Variants in SAMD15 observed in about 807,000 individuals in gnomAD.
SAMD15 encodes sterile alpha motif domain containing 15, also known as sterile alpha motif domain-containing protein 15.
A neutral mutation model predicts 50.5 loss-of-function variants in SAMD15; 37 were observed. The observed-to-expected ratio is 0.73, with a 90% CI of 0.56 to 0.96. The LOEUF is 0.96. SAMD15 is among the 40% of genes least tolerant of loss of function. The pLI, the probability that SAMD15 is intolerant of heterozygous loss-of-function variation, is 0.00. For synonymous variants in SAMD15, 255 were observed against 282.8 expected, an observed-to-expected ratio of 0.90 and a Z score of 0.99; for missense variants, 789 against 783.8, an observed-to-expected ratio of 1.01 and a Z score of -0.08.
At chr14:77,379,633 C>T (rs994675462) in intron 1 of SAMD15, among the ~76,000 whole-genome samples, 44 of 152,100 alleles carry the variant, frequency 2.9e-4, no homozygotes, top group Non-Finnish European at 5.6e-4. Context: ...CCTCGTGATC[C>T]GCCAGCCTCA....
In SAMD15 at chr14:77,378,542, C is replaced by T. The variant is rs1279501957; in HGVS notation, c.1124C>T (p.Pro375Leu). The T allele has an allele frequency of 1.2e-6, 2 of 1,613,410 alleles. No homozygotes were observed. The highest frequency in any genetic ancestry group is 2.7e-5 in the African/African-American group (2 of 74,814). The stretch of plus-strand genomic sequence containing the variant: ...TCAAATGAGAAAAAAAATCCACAGC[C>T]ACCAGAGGAGACTGGTCCAGTGCTA... Reference protein sequence around the residue: ...RKSNEKKNPQPPEETGPVLPQ... With the variant: ...RKSNEKKNPQLPEETGPVLPQ... The change falls in exon 1 of 3, where the codon CCA becomes CTA. Residue 375 changes from proline (P) to leucine (L), a missense_variant. By Grantham distance (98) the Pro-to-Leu change is moderately conservative (BLOSUM62 -3). Transcript: ENST00000216471.
chr14:77,379,643 A>G (rs902692353), intron 1 of SAMD15, among the ~76,000 whole-genome samples: 3 of 152,128 alleles, frequency 2.0e-5, no homozygotes, highest in Non-Finnish European at 4.4e-5. Context: ...CGCCAGCCTC[A>G]GCCTCCCAAA....
chr14:77,387,269 TA>T (rs1460486855), intron 2 of SAMD15, among the ~76,000 whole-genome samples: 1 of 151,982 alleles, frequency 6.6e-6, no homozygotes, highest in African/African-American at 2.4e-5. Context: ...CCCAGCTCTA[TA>T]AAAAATATTT....
chr14:77,379,248 T>C, intron 1 of SAMD15, 141 bp downstream of exon 1: 1 of 763,034 alleles, frequency 1.3e-6, no homozygotes, highest in Non-Finnish European at 2.1e-6. Flanking sequence ...ACTTGGATTT[T>C]AATTTTGGCC....
intron 2 of SAMD15, among the ~76,000 whole-genome samples, chr14:77,384,201 G>A (rs1276252253): frequency 3.3e-5 from 5 of 152,044 alleles, no homozygotes; most frequent in Non-Finnish European, 7.4e-5. Context: ...ATCATTTATG[G>A]ACTTTTGGGA....
intron 2 of SAMD15, among the ~76,000 whole-genome samples, chr14:77,390,627 C>T (rs954882414): frequency 2.0e-5 from 3 of 152,160 alleles, no homozygotes; most frequent in Non-Finnish European, 4.4e-5. Context: ...CAGTGGCTCA[C>T]GCCTGCAATC....
chr14:77,377,970 A>C lies in SAMD15; in HGVS notation c.552A>C (p.Leu184=). 6.2e-7 allele frequency: 1 copy of C among 1,614,058 alleles called. No individual in the cohort carries two copies. Among genetic ancestry groups the C allele is most frequent in the Non-Finnish European group, 8.5e-7 (1 of 1,180,018 alleles). Reference sequence around the variant, plus strand: ...TCAGAGAGAGAAATTTAGAATTACTAGAGGAGGAGACTGAACCGGGGGTTC... The same window carrying C: ...TCAGAGAGAGAAATTTAGAATTACTCGAGGAGGAGACTGAACCGGGGGTTC... ...ATVRERNLEL[L]EEETEPGVPE... The change falls in exon 1 of 3, where the codon CTA becomes CTC. Residue 184 remains leucine (L), a synonymous_variant. Coordinates refer to ENST00000216471, the MANE Select transcript of SAMD15 (RefSeq NM_001010860.4).
chr14:77,388,556 C>T lies in SAMD15; in HGVS notation c.1789-2452C>T, dbSNP rs534566706. 1.6e-4 allele frequency among the ~76,000 whole-genome samples: 25 copies of T among 151,698 alleles called. No homozygotes were observed. In the South Asian group the frequency reaches 4.8e-3, roughly 29 times the overall value. ...TCAGCCTCCCAAGTAGCTGGGACTA[C>T]AGGCATGCAACTTCACGACTGGCTT... is the stretch of plus-strand genomic sequence containing the variant. On this transcript the variant is annotated intron_variant, in intron 2 of 2. Transcript: ENST00000216471.
intron 2 of SAMD15, among the ~76,000 whole-genome samples, chr14:77,387,037 C>T (rs1346252211): frequency 6.6e-6 from 1 of 152,196 alleles, no homozygotes; most frequent in East Asian, 1.9e-4. Flanking sequence ...ATCATCCTCA[C>T]AAATACCTAT....
chr14:77,391,007 G>A lies in SAMD15; in HGVS notation c.1789-1G>A. 3 of 1,590,506 alleles carry A rather than the reference G, an allele frequency of 1.9e-6. No individual in the cohort carries two copies. Among genetic ancestry groups the A allele is most frequent in the Non-Finnish European group, 2.6e-6 (3 of 1,164,302 alleles). Reference sequence around the variant, plus strand: ...ATTAAAAATTTATCCTTGCGTTTCAGGCAATTTCTCGGCATACGCAGGAGC... The same window carrying A: ...ATTAAAAATTTATCCTTGCGTTTCAAGCAATTTCTCGGCATACGCAGGAGC... On this transcript the variant is annotated splice_acceptor_variant, in intron 2 of 2. Transcript: ENST00000216471. LOFTEE classifies it high-confidence loss of function.
Position 77,387,530 on chromosome 14 carries a change from C to G in SAMD15, c.1789-3478C>G, listed in dbSNP as rs533016697. On this transcript the variant is annotated intron_variant, in intron 2 of 2. Coordinates refer to ENST00000216471, the MANE Select transcript of SAMD15 (RefSeq NM_001010860.4). ...GTTTCATTGATGAACTTCAGACACACTTTTAAAAATCACTGAATAGGAGGA... is the reference window on the plus strand; with the variant it reads ...GTTTCATTGATGAACTTCAGACACAGTTTTAAAAATCACTGAATAGGAGGA... Among the ~76,000 whole-genome samples, 10 of 152,238 alleles carry G rather than the reference C, an allele frequency of 6.6e-5. No homozygotes were observed. The East Asian group carries it at 1.7e-3, about 26-fold the overall frequency.
chr14:77,380,051 A>G (rs1328914654), intron 1 of SAMD15, among the ~76,000 whole-genome samples: 1 of 152,208 alleles, frequency 6.6e-6, no homozygotes, highest in Non-Finnish European at 1.5e-5. Context: ...TGCCCAAAAA[A>G]ACAGTTAAAG....
chr14:77,384,786 T>A lies in SAMD15; in HGVS notation c.1788+4305T>A, dbSNP rs141623781. 1.8e-3 allele frequency among the ~76,000 whole-genome samples: 269 copies of A among 152,332 alleles called. 2 individuals carry two copies. The highest frequency in any genetic ancestry group is 6.2e-3 in the African/African-American group (259 of 41,576). ...ACTGAGTGTCACTGCTTCTATGCAC[T>A]CTTAACAGAAAGATCTAGGAAATAA... On this transcript the variant is annotated intron_variant, in intron 2 of 2. Transcript: ENST00000216471.
chr14:77,380,866 C>T (rs565913973), intron 2 of SAMD15, among the ~76,000 whole-genome samples: 1 of 152,194 alleles, frequency 6.6e-6, no homozygotes, highest in Non-Finnish European at 1.5e-5. Context: ...TCTTTGGATC[C>T]CTTCTGCTTA....
intron 2 of SAMD15, among the ~76,000 whole-genome samples, chr14:77,381,386 C>T (rs1214319934): frequency 2.6e-5 from 4 of 152,152 alleles, no homozygotes; most frequent in Non-Finnish European, 5.9e-5. Flanking sequence ...CACGTGTAAC[C>T]TCTCCTTTAG....
chr14:77,384,900 G>C (rs1471123440), intron 2 of SAMD15, among the ~76,000 whole-genome samples: 1 of 152,040 alleles, frequency 6.6e-6, no homozygotes, highest in Admixed American at 6.6e-5. Context: ...ATAAGCATGG[G>C]GGCCGGGCGT....
At chr14:77,381,020 A>C (rs1387060369) in intron 2 of SAMD15, among the ~76,000 whole-genome samples, 1 of 151,904 alleles carries the variant, frequency 6.6e-6, no homozygotes, top group African/African-American at 2.4e-5. Context: ...TCTTCTCTCT[A>C]TGTCTTCGCT....
In SAMD15 at chr14:77,391,945, T is replaced by C. The variant is rs1025330739; in HGVS notation, c.*701T>C. Among the ~76,000 whole-genome samples the C allele has an allele frequency of 1.3e-5, 2 of 152,142 alleles. No homozygotes were observed. Among genetic ancestry groups the C allele is most frequent in the South Asian group, 2.1e-4 (1 of 4,824 alleles). ...GGCACATGCCTGTAGTCCCAGCTAC[T>C]CAGGAGGCTGAGGCAGAAGAATCAT... On this transcript the variant is annotated 3_prime_UTR_variant, in exon 3 of 3. Coordinates refer to ENST00000216471, the MANE Select transcript of SAMD15 (RefSeq NM_001010860.4).
At chr14:77,390,897 A>AG in intron 2 of SAMD15, 111 bp from the exon 3 acceptor site, 4 of 735,942 alleles carry the variant, frequency 5.4e-6, no homozygotes, top group Non-Finnish European at 9.3e-6. Context: ...CTCAAAAAAA[A>AG]GAAAGAAATA....
Sources: allele counts gnomAD v4.1 joint callset (sites outside exome capture counted in the v4.1 genomes callset), GRCh38; gene constraint gnomAD v4.1.1; transcripts MANE v1.5; gene names NCBI Gene and HGNC (gene_info 2026-07-23, HGNC 2026-07-21).